ZNF827: variants seen among roughly 807,000 people sequenced by gnomAD.
ZNF827 encodes zinc finger protein 827.
A neutral mutation model predicts 102.4 loss-of-function variants in ZNF827; 13 were observed. That is an observed-to-expected ratio of 0.13 (90% CI 0.08 to 0.20). The LOEUF (loss-of-function observed/expected upper bound fraction) is 0.20. ZNF827 is among the 10% of genes least tolerant of loss of function. The pLI, the probability that ZNF827 is intolerant of heterozygous loss-of-function variation, is 1.00. For missense variants in ZNF827, 1,103 were observed against 1,344.4 expected, an observed-to-expected ratio of 0.82 and a Z score of 2.81; for synonymous variants, 523 against 536.2, an observed-to-expected ratio of 0.98 and a Z score of 0.34.
intron 8 of ZNF827, among the ~76,000 whole-genome samples, chr4:145,816,338 T>C (rs1472539141): frequency 6.6e-6 from 1 of 152,264 alleles, no homozygotes; most frequent in Non-Finnish European, 1.5e-5. Flanking sequence ...GTTGTTTCTT[T>C]ATCTTTGTGG....
chr4:145,768,916 T>TATATATA (rs34051922), intron 11 of ZNF827, among the ~76,000 whole-genome samples: 1 of 34,428 alleles, frequency 2.9e-5, no homozygotes, highest in Non-Finnish European at 5.2e-5. Context: ...TATATATATA[T>TATATATA]TAGGTATACA....
chr4:145,846,112 T>C (rs1310028743), intron 6 of ZNF827, 99 bp from the exon 7 acceptor site: 1 of 1,129,330 alleles, frequency 8.9e-7, no homozygotes, highest in Non-Finnish European at 1.3e-6. Context: ...TCTCTCTTTT[T>C]CCTTTGTGGT....
intron 1 of ZNF827, 135 bp downstream of exon 1, chr4:145,938,230 C>G: frequency 9.5e-7 from 1 of 1,048,338 alleles, no homozygotes; most frequent in Non-Finnish European, 1.5e-6. Flanking sequence ...AGGAGTAACC[C>G]GGGCTGTGTC....
chr4:145,928,136 T>C (rs939249585), intron 1 of ZNF827, among the ~76,000 whole-genome samples: 5 of 152,168 alleles, frequency 3.3e-5, no homozygotes, highest in African/African-American at 1.2e-4. Context: ...AAAAATACCA[T>C]CAATAAGCTG....
chr4:145,891,912 G>A (rs1314835785), intron 3 of ZNF827, among the ~76,000 whole-genome samples: 3 of 152,240 alleles, frequency 2.0e-5, no homozygotes, highest in African/African-American at 7.2e-5. Context: ...CCTGCTTCTT[G>A]CTATTCCCCA....
chr4:145,778,383 C>T (rs1737427516), intron 9 of ZNF827, among the ~76,000 whole-genome samples: 1 of 152,218 alleles, frequency 6.6e-6, no homozygotes, highest in Admixed American at 6.5e-5. Flanking sequence ...ATCCACCTGC[C>T]TTGGCCTCCC....
chr4:145,914,389 A>G (rs1360809772), intron 1 of ZNF827, among the ~76,000 whole-genome samples: 1 of 152,174 alleles, frequency 6.6e-6, no homozygotes, highest in African/African-American at 2.4e-5. Flanking sequence ...TTGTATGAGA[A>G]TATTTTTTAT....
intron 4 of ZNF827, among the ~76,000 whole-genome samples, chr4:145,872,042 T>G (rs1748733991): frequency 6.6e-6 from 1 of 152,216 alleles, no homozygotes; most frequent in Admixed American, 6.5e-5. Flanking sequence ...TGAGGTCTAC[T>G]CTGATCATCC....
At position 145,763,146 on chromosome 4, in the gene ZNF827, T is replaced by G. The variant is rs1017945168; in HGVS notation, c.3231-24A>C. ...AGCTACGGCAAAAGAAAAATAATAG[T>G]ATAATCTTATTTGATCTGCATTATG... On this transcript the variant is annotated intron_variant, in intron 13 of 14. Transcript: ENST00000508784. The surrounding 1 kb of genome is among the most constrained non-coding windows in gnomAD (Gnocchi z 4.6). 3.9e-6 allele frequency: 6 copies of G among 1,535,826 alleles called. No individual in the cohort carries two copies. The Admixed American group carries it at 5.9e-5, about 15-fold the overall frequency.
At chr4:145,861,142 C>T (rs945426948) in intron 5 of ZNF827, among the ~76,000 whole-genome samples, 34 of 152,042 alleles carry the variant, frequency 2.2e-4, no homozygotes, top group African/African-American at 7.0e-4. Context: ...CATATTCATG[C>T]GATTTAATTA....
At chr4:145,871,090 TG>T (rs1289115126) in intron 4 of ZNF827, among the ~76,000 whole-genome samples, 1 of 152,182 alleles carries the variant, frequency 6.6e-6, no homozygotes, top group East Asian at 1.9e-4. Flanking sequence ...AAGTCATCAC[TG>T]AGTCCAAAAT....
chr4:145,850,351 C>G (rs958509111), intron 5 of ZNF827, among the ~76,000 whole-genome samples: 3 of 152,138 alleles, frequency 2.0e-5, no homozygotes, highest in African/African-American at 7.2e-5. Context: ...GCTTTTCTCT[C>G]TTCTAGGGCA....
intron 8 of ZNF827, among the ~76,000 whole-genome samples, chr4:145,784,305 T>C (rs548522053): frequency 3.5e-4 from 53 of 152,340 alleles, no homozygotes; most frequent in African/African-American, 1.2e-3. Context: ...CTTTTGGACT[T>C]TTTGTTTTGT....
At chr4:145,881,052 G>T (rs1229371431) in intron 4 of ZNF827, among the ~76,000 whole-genome samples, 1 of 152,202 alleles carries the variant, frequency 6.6e-6, no homozygotes, top group African/African-American at 2.4e-5. Flanking sequence ...ATGGGGAGCT[G>T]CCATTTATAC....
intron 8 of ZNF827, among the ~76,000 whole-genome samples, chr4:145,793,497 G>C (rs1019980312): frequency 2.6e-5 from 4 of 151,288 alleles, no homozygotes; most frequent in African/African-American, 9.7e-5. Context: ...ATGGGAGAAA[G>C]ATGTCGGCTG....
At position 145,903,166 on chromosome 4, in the gene ZNF827, G is replaced by A. The variant is rs143398768; in HGVS notation, c.93C>T (p.His31=). 8.5e-5 allele frequency: 137 copies of A among 1,614,064 alleles called. No homozygotes were observed. In the African/African-American group the frequency reaches 1.3e-3, roughly 16 times the overall value. Residue 31 remains histidine (H), a synonymous_variant, in exon 2 of 15, where the codon CAC becomes CAT. Coordinates refer to ENST00000508784, the MANE Select transcript of ZNF827 (RefSeq NM_001306215.2). ...GAGTCTCTGAAGAGTTTCCATACCA[G>A]TGTTCTCCTTCACTGAGCTCTCCCT... ...EAEGELSEGE[H]WYGNSSETPS... is the part of the protein sequence containing the mutation.
intron 8 of ZNF827, among the ~76,000 whole-genome samples, chr4:145,814,168 TTATC>T (rs1742332994): frequency 1.3e-5 from 2 of 152,242 alleles, no homozygotes; most frequent in African/African-American, 4.8e-5. Flanking sequence ...ATCATGAAAA[TTATC>T]TATCTATCTA....
chr4:145,896,947 G>T (rs1053579980), intron 2 of ZNF827, among the ~76,000 whole-genome samples: 1 of 151,430 alleles, frequency 6.6e-6, no homozygotes, highest in Non-Finnish European at 1.5e-5. Context: ...TCAAAAATTG[G>T]AAAAAAAAGA....
chr4:145,830,888 A>T (rs1560972405), intron 7 of ZNF827: 1 of 152,218 alleles, frequency 6.6e-6, no homozygotes, highest in Non-Finnish European at 1.5e-5. Context: ...GGTCTTCCTA[A>T]CTTCCTCATT....
Sources: gnomAD v4.1 joint callset for allele counts (sites outside exome capture counted in the v4.1 genomes callset) on GRCh38, gnomAD v4.1.1 for gene constraint, Gnocchi (gnomAD v3.1) non-coding constraint, MANE v1.5 for transcripts, NCBI Gene and HGNC (gene_info 2026-07-23, HGNC 2026-07-21) for gene names.